Variants in CSF1R observed in about 807,000 individuals in gnomAD.
CSF1R encodes the protein macrophage colony-stimulating factor 1 receptor.
CSF1R carries 40 observed loss-of-function variants against 110.0 expected under a neutral mutation model. The ratio of observed to expected loss-of-function variants is 0.36; its 90% CI spans 0.28 to 0.47. The LOEUF (loss-of-function observed/expected upper bound fraction) is 0.47. CSF1R is among the 20% of genes least tolerant of loss of function. CSF1R has a pLI of 0.99. For missense variants in CSF1R, 1,052 were observed against 1,253.0 expected (o/e 0.84, Z 2.42); for synonymous variants, 523 against 503.4 (o/e 1.04, Z -0.52).
At chr5:150,063,550 C>G (rs1330011256) in intron 10 of CSF1R, among the ~76,000 whole-genome samples, 1 of 151,696 alleles carries the variant, frequency 6.6e-6, no homozygotes, top group East Asian at 1.9e-4. Flanking sequence ...GAGACGCTGC[C>G]CACTAGATAG....
chr5:150,079,541 C>T (rs946606089), intron 3 of CSF1R, among the ~76,000 whole-genome samples: 18 of 152,220 alleles, frequency 1.2e-4, no homozygotes, highest in Admixed American at 3.9e-4. Flanking sequence ...TACACATGCC[C>T]AGCACTTGGC....
chr5:150,073,289 G>T lies in CSF1R; in HGVS notation c.1082+12C>A. 1 of 1,608,838 alleles carries T rather than the reference G, an allele frequency of 6.2e-7. No homozygotes were observed. Among genetic ancestry groups the T allele is most frequent in the South Asian group, 1.1e-5 (1 of 90,792 alleles). ...TTGTCGGGCTGTGTAGACGGGAGCT[G>T]ATAAGTGGTACCTGTATGTGTCCTT... On this transcript the variant is annotated intron_variant, in intron 6 of 20. Coordinates refer to ENST00000675795, the MANE Select transcript of CSF1R (RefSeq NM_001288705.3).
At chr5:150,100,388 C>G (rs1217902621) in intron 1 of CSF1R, among the ~76,000 whole-genome samples, 1 of 150,620 alleles carries the variant, frequency 6.6e-6, no homozygotes, top group East Asian at 1.9e-4. Context: ...ACCTCCGCCT[C>G]CCGGGTTCAC....
intron 4 of CSF1R, 33 bp downstream of exon 4, chr5:150,078,079 C>A (rs1016220865): frequency 3.7e-6 from 6 of 1,612,114 alleles, no homozygotes; most frequent in Non-Finnish European, 5.1e-6. Flanking sequence ...GGGAGGATGG[C>A]CAGACTTCAC....
chr5:150,111,281 T>C (rs542792027), intron 1 of CSF1R, among the ~76,000 whole-genome samples: 1 of 151,638 alleles, frequency 6.6e-6, no homozygotes, highest in East Asian at 1.9e-4. Flanking sequence ...CGGCCGTGAG[T>C]GGGGTGGCGG....
At chr5:150,054,689 T>C (rs1757114181) in intron 19 of CSF1R, 1 of 442,602 alleles carries the variant, frequency 2.3e-6, no homozygotes, top group Non-Finnish European at 4.0e-6. Context: ...TAACGATCTC[T>C]TAAAAGTCTG....
At position 150,057,328 on chromosome 5, in the gene CSF1R, T is replaced by C; in HGVS notation, c.2278A>G (p.Ser760Gly). ...LELRDLLHFS[S>G]QVAQGMAFLA... ...AAGGCCATGCCCTGGGCTACTTGGC[T>C]GGAGAAGTGAAGCAGGTCCCGGAGC... The change falls in exon 16 of 21, where the codon AGC becomes GGC. Residue 760 changes from serine (S) to glycine (G), a missense_variant. Ser to Gly is a moderately conservative substitution (Grantham distance 56). Transcript: ENST00000675795. 1 of 1,613,986 alleles carries C rather than the reference T, an allele frequency of 6.2e-7. No homozygotes were observed. The highest frequency in any genetic ancestry group is 8.5e-7 in the Non-Finnish European group (1 of 1,179,992).
rs1009323694 is a variant in CSF1R at position 150,106,780 on chromosome 5, C to T, written c.-181+6481G>A. Reference sequence around the variant, plus strand: ...ACTGAACACTTGCAGCTCCTGCATACACCCCCACACTCCTTCTTCCTGTTC... The same window carrying T: ...ACTGAACACTTGCAGCTCCTGCATATACCCCCACACTCCTTCTTCCTGTTC... On this transcript the variant is annotated intron_variant, in intron 1 of 21. Transcript: ENST00000286301. 1.2e-4 allele frequency among the ~76,000 whole-genome samples: 19 copies of T among 152,204 alleles called. 1 individual carries two copies. The highest frequency in any genetic ancestry group is 1.9e-4 in the Non-Finnish European group (13 of 68,028).
At chr5:150,106,724 C>T (rs1218104736) in intron 1 of CSF1R, among the ~76,000 whole-genome samples, 1 of 152,106 alleles carries the variant, frequency 6.6e-6, no homozygotes, top group Non-Finnish European at 1.5e-5. Context: ...TGATCTCTGC[C>T]TCTTCTCTCT....
chr5:150,111,343 C>A (rs1759711339), intron 1 of CSF1R, among the ~76,000 whole-genome samples: 1 of 152,194 alleles, frequency 6.6e-6, no homozygotes, highest in Admixed American at 6.5e-5. Flanking sequence ...AATCCCAGCT[C>A]ACCCGTCTTC....
At chr5:150,059,064 G>A (rs191630247) in intron 14 of CSF1R, among the ~76,000 whole-genome samples, 6 of 151,900 alleles carry the variant, frequency 3.9e-5, no homozygotes, top group Non-Finnish European at 5.9e-5. Flanking sequence ...TTTTTTTTGA[G>A]ACGGAGTTTC....
chr5:150,058,342 G>A lies in CSF1R; in HGVS notation c.2133-750C>T, dbSNP rs573415155. The A allele has an allele frequency of 3.3e-5, 15 of 456,192 alleles. 1 individual carries two copies. Among genetic ancestry groups the A allele is most frequent in the African/African-American group, 6.0e-5 (3 of 50,166 alleles). 28.3% of individuals were successfully genotyped at this position (456,192 alleles called of 1,614,324 possible). On this transcript the variant is annotated intron_variant, in intron 14 of 20. Transcript: ENST00000675795. ...AGACTGAAGCACTACTGCTCCTAAC[G>A]TTCCAGCCAGATAGGATTTCTCTCT...
chr5:150,082,202 C>G (rs1323544712), intron 1 of CSF1R, among the ~76,000 whole-genome samples: 1 of 152,202 alleles, frequency 6.6e-6, no homozygotes, highest in African/African-American at 2.4e-5. Flanking sequence ...CAGCTCTGGC[C>G]CTTCCTCTTC....
chr5:150,062,317 A>G (rs1757568359), intron 10 of CSF1R, among the ~76,000 whole-genome samples: 1 of 146,622 alleles, frequency 6.8e-6, no homozygotes, highest in African/African-American at 2.5e-5. Context: ...TTTTAAGTGT[A>G]TGGTTCAGTA....
upstream of CSF1R, among the ~76,000 whole-genome samples, chr5:150,088,519 C>CTTT (rs528725145): frequency 1.1e-3 from 159 of 146,194 alleles, 1 homozygote; most frequent in African/African-American, 3.8e-3. Context: ...CAAACCAAAT[C>CTTT]TTTTTTTTTT....
At chr5:150,106,948 A>T (rs1759577161) in intron 1 of CSF1R, among the ~76,000 whole-genome samples, 1 of 152,192 alleles carries the variant, frequency 6.6e-6, no homozygotes, top group Non-Finnish European at 1.5e-5. Context: ...TATTGGTGTG[A>T]TGTCATTCTG....
At chr5:150,104,682 A>G (rs1759494980) in intron 1 of CSF1R, among the ~76,000 whole-genome samples, 1 of 152,190 alleles carries the variant, frequency 6.6e-6, no homozygotes, top group African/African-American at 2.4e-5. Context: ...CTTTCCCAAG[A>G]TCACACAGCT....
intron 1 of CSF1R, 99 bp downstream of exon 1, chr5:150,086,280 G>T: frequency 1.6e-6 from 2 of 1,232,030 alleles, no homozygotes; most frequent in Non-Finnish European, 2.3e-6. Flanking sequence ...GACTAAAACA[G>T]CCTGAGGACA....
In CSF1R at chr5:150,057,517, G is replaced by A. The variant is rs143167751; in HGVS notation, c.2208C>T (p.Ser736=). The A allele has an allele frequency of 6.8e-6, 11 of 1,614,082 alleles. No individual in the cohort carries two copies. Among genetic ancestry groups the A allele is most frequent in the Non-Finnish European group, 7.6e-6 (9 of 1,180,020 alleles). The part of the protein sequence containing the change: ...MRPVSTSSND[S]FSEQDLDKED... The stretch of plus-strand genomic sequence containing the variant: ...GGACCTCCTCACCTTGCTCAGAGAA[G>A]GAGTCATTTGAAGAAGTGGAGACAG... Residue 736 remains serine, a synonymous_variant, in exon 15 of 21, where the codon TCC becomes TCT. Transcript: ENST00000675795.
Sources: allele counts gnomAD v4.1 joint callset (sites outside exome capture counted in the v4.1 genomes callset), GRCh38; gene constraint gnomAD v4.1.1; transcripts MANE v1.5; gene names NCBI Gene and HGNC (gene_info 2026-07-23, HGNC 2026-07-21).